The following MAPK10 variants were observed in gnomAD, a reference collection of about 807,000 sequenced individuals.
The protein encoded by MAPK10 is mitogen-activated protein kinase 10.
MAPK10 carries 25 observed loss-of-function variants against 59.3 expected under a neutral mutation model. The ratio of observed to expected loss-of-function variants is 0.42; its 90% CI spans 0.31 to 0.59. The LOEUF (loss-of-function observed/expected upper bound fraction) is 0.59. Among genes scored for constraint, MAPK10 ranks in the 20% least tolerant of loss-of-function variants. The pLI is 0.15. For missense variants in MAPK10, 351 were observed against 568.9 expected (o/e 0.62, Z 3.90); for synonymous variants, 190 against 200.5 (o/e 0.95, Z 0.44).
intron 2 of MAPK10, among the ~76,000 whole-genome samples, chr4:86,234,171 T>C (rs1246847522): frequency 6.6e-6 from 1 of 152,094 alleles, no homozygotes; most frequent in East Asian, 1.9e-4. Flanking sequence ...TTTCCTTACA[T>C]GCAAGACACA....
intron 1 of MAPK10, among the ~76,000 whole-genome samples, chr4:86,565,367 A>C (rs978667744): frequency 6.6e-6 from 1 of 152,220 alleles, no homozygotes; most frequent in African/African-American, 2.4e-5. Context: ...GACAGGAACA[A>C]ATCTTAAATT....
chr4:86,506,036 T>C (rs180898990), intron 1 of MAPK10, among the ~76,000 whole-genome samples: 1 of 152,276 alleles, frequency 6.6e-6, no homozygotes, highest in Admixed American at 6.5e-5. Flanking sequence ...TAATAATTCC[T>C]TAAAGAAAAC....
At chr4:86,025,269 AC>A (rs1749607280) in intron 13 of MAPK10, 1 of 373,902 alleles carries the variant, frequency 2.7e-6, no homozygotes, top group African/African-American at 2.1e-5. Flanking sequence ...TAACCAGTCC[AC>A]CACTATTAGA....
chr4:86,541,990 C>G (rs562906449), intron 1 of MAPK10, among the ~76,000 whole-genome samples: 3 of 136,926 alleles, frequency 2.2e-5, no homozygotes, highest in South Asian at 4.8e-4. Flanking sequence ...CACACACACA[C>G]AGGTGGGGAA....
chr4:86,404,802 A>G (rs1214614101), intron 1 of MAPK10, among the ~76,000 whole-genome samples: 1 of 152,216 alleles, frequency 6.6e-6, no homozygotes, highest in Non-Finnish European at 1.5e-5. Flanking sequence ...ATTCTATCTT[A>G]GTAGACAGTA....
chr4:86,446,794 C>T (rs1750102863), intron 1 of MAPK10, among the ~76,000 whole-genome samples: 1 of 152,096 alleles, frequency 6.6e-6, no homozygotes, highest in African/African-American at 2.4e-5. Flanking sequence ...TTTGCCTCCC[C>T]CTAATTACTA....
At chr4:86,342,380 T>C (rs1266464787) in intron 2 of MAPK10, among the ~76,000 whole-genome samples, 1 of 152,192 alleles carries the variant, frequency 6.6e-6, no homozygotes, top group Non-Finnish European at 1.5e-5. Context: ...GTTTGCTGTG[T>C]AGGCGTTTCG....
intron 2 of MAPK10, among the ~76,000 whole-genome samples, chr4:86,312,366 G>A (rs777577887): frequency 6.6e-6 from 1 of 151,938 alleles, no homozygotes; most frequent in Non-Finnish European, 1.5e-5. Context: ...TATTACGTGT[G>A]ACTAGTTTTC....
At chr4:86,522,023 C>T (rs1482060832) in intron 1 of MAPK10, among the ~76,000 whole-genome samples, 1 of 152,148 alleles carries the variant, frequency 6.6e-6, no homozygotes, top group Non-Finnish European at 1.5e-5. Flanking sequence ...GCCTACAGGG[C>T]TCTTCACACT....
intron 1 of MAPK10, among the ~76,000 whole-genome samples, chr4:86,460,146 A>G (rs1355007596): frequency 1.3e-5 from 2 of 152,218 alleles, no homozygotes; most frequent in African/African-American, 4.8e-5. Context: ...AACTGGGCAG[A>G]CTGAGATGTT....
chr4:86,239,944 G>A (rs189445977), intron 2 of MAPK10, among the ~76,000 whole-genome samples: 213 of 152,182 alleles, frequency 1.4e-3, no homozygotes, highest in Non-Finnish European at 2.5e-3. Context: ...TGTGATGTTA[G>A]GGTGTTGATC....
chr4:86,464,509 A>G (rs1249380497), intron 1 of MAPK10, among the ~76,000 whole-genome samples: 1 of 152,254 alleles, frequency 6.6e-6, no homozygotes. Flanking sequence ...CTCAATTGCA[A>G]ACAGCAGTTA....
At position 86,356,043 on chromosome 4, in the gene MAPK10, T is replaced by TCACA. The variant is rs34547847; in HGVS notation, c.-121-1403_-121-1400dup. On this transcript the variant is annotated intron_variant, in intron 1 of 13. Coordinates refer to ENST00000641462, the MANE Select transcript of MAPK10 (RefSeq NM_138982.4). ...CTGCTGTTTTTGTTTTTGTTTTTCT[T>TCACA]CACACACACACACACACACACACAC... Among the ~76,000 whole-genome samples the TCACA allele has an allele frequency of 7.2e-3, 1,068 of 149,216 alleles. 6 individuals are homozygous for TCACA. The highest frequency in any genetic ancestry group is 8.6e-3 in the Non-Finnish European group (578 of 66,990).
rs1186079510 is a variant in MAPK10, at chr4:86,094,000, CTGTAT to C, written c.802+4519_802+4523del. Reference sequence around the variant, plus strand: ...AAATTTTATATTGTTTGAAATAACTCTGTATTGTCTTAATTCTAAGAAAAAGAGTT... The same window carrying C: ...AAATTTTATATTGTTTGAAATAACTCTGTCTTAATTCTAAGAAAAAGAGTT... On this transcript the variant is annotated intron_variant, in intron 9 of 13. Transcript: ENST00000641462. Among the ~76,000 whole-genome samples the C allele has an allele frequency of 2.6e-5, 4 of 151,912 alleles. No homozygotes were observed. The East Asian group carries it at 7.7e-4, about 29-fold the overall frequency.
At chr4:86,396,819 T>C (rs752529112) in intron 1 of MAPK10, among the ~76,000 whole-genome samples, 12 of 152,178 alleles carry the variant, frequency 7.9e-5, no homozygotes, top group Non-Finnish European at 1.6e-4. Context: ...TCTCATGACC[T>C]AAACACCTCC....
intron 2 of MAPK10, chr4:86,332,531 G>T (rs991460185): frequency 6.6e-6 from 1 of 152,132 alleles, no homozygotes. Flanking sequence ...TAGAGGATAC[G>T]TTTCAGTCCA....
At chr4:86,136,567 C>A (rs2062165855) in intron 4 of MAPK10, among the ~76,000 whole-genome samples, 1 of 150,258 alleles carries the variant, frequency 6.7e-6, no homozygotes, top group African/African-American at 2.5e-5. Context: ...CCAGTACCAG[C>A]CACTGCAAAA....
intron 1 of MAPK10, among the ~76,000 whole-genome samples, chr4:86,539,247 A>G (rs1311771728): frequency 6.6e-6 from 1 of 152,244 alleles, no homozygotes; most frequent in Non-Finnish European, 1.5e-5. Flanking sequence ...CATCCAGAAA[A>G]AAAAGATAAA....
chr4:86,503,363 T>G (rs2149080259), intron 1 of MAPK10, among the ~76,000 whole-genome samples: 1 of 152,256 alleles, frequency 6.6e-6, no homozygotes, highest in South Asian at 2.1e-4. Flanking sequence ...ATTGTTGAAA[T>G]GGGTACCTAA....
Sources: gnomAD v4.1 joint callset for allele counts (sites outside exome capture counted in the v4.1 genomes callset) on GRCh38, gnomAD v4.1.1 for gene constraint, MANE v1.5 for transcripts, NCBI Gene and HGNC (gene_info 2026-07-23, HGNC 2026-07-21) for gene names.